SCML4: variants seen among roughly 807,000 people sequenced by gnomAD.
SCML4 encodes the protein Scm polycomb group protein like 4.
In SCML4, 34 loss-of-function variants were observed where a neutral mutation model predicts 41.1. The observed-to-expected ratio is 0.83, with a 90% CI of 0.63 to 1.10. The LOEUF is 1.10. Among genes scored for constraint, SCML4 ranks in the 50% least tolerant of loss-of-function variants. The probability of loss-of-function intolerance (pLI) is 0.00; values close to 1 mark genes in which losing one functional copy is unlikely to be tolerated. For missense variants in SCML4, 522 were observed against 534.1 expected (o/e 0.98, Z 0.22); for synonymous variants, 214 against 220.9 (o/e 0.97, Z 0.28).
At chr6:107,815,049 A>C (rs780110781) in intron 1 of SCML4, among the ~76,000 whole-genome samples, 2 of 152,236 alleles carry the variant, frequency 1.3e-5, no homozygotes, top group Non-Finnish European at 2.9e-5. Flanking sequence ...AGGGCTCTGC[A>C]TAGTGATCAT....
At chr6:107,757,201 C>A (rs893331567) in intron 2 of SCML4, among the ~76,000 whole-genome samples, 8 of 151,892 alleles carry the variant, frequency 5.3e-5, no homozygotes, top group African/African-American at 1.9e-4. Context: ...CTCCAGCTGT[C>A]ATTTAGGGGA....
chr6:107,723,375 A>G (rs1484599930), intron 5 of SCML4, among the ~76,000 whole-genome samples: 1 of 152,226 alleles, frequency 6.6e-6, no homozygotes, highest in Non-Finnish European at 1.5e-5. Context: ...AGTATTGAAT[A>G]TCTCATGTAA....
At chr6:107,712,490 T>G (rs1489620453) in intron 6 of SCML4, among the ~76,000 whole-genome samples, 1 of 151,906 alleles carries the variant, frequency 6.6e-6, no homozygotes, top group Non-Finnish European at 1.5e-5. Context: ...AAGAGATAAC[T>G]GAGATGGCAA....
At chr6:107,734,357 A>T (rs1776849179) in intron 5 of SCML4, among the ~76,000 whole-genome samples, 1 of 152,228 alleles carries the variant, frequency 6.6e-6, no homozygotes. Context: ...ACGTGACTCA[A>T]TATTACTCTA....
At chr6:107,762,876 C>CTTTTTTTTTTTTTT (rs57370632) in intron 2 of SCML4, among the ~76,000 whole-genome samples, 18 of 89,656 alleles carry the variant, frequency 2.0e-4, no homozygotes, top group Non-Finnish European at 2.9e-4. Flanking sequence ...TAAATGCACT[C>CTTTTTTTTTTTTTT]TTTTTTTTTT....
intron 1 of SCML4, among the ~76,000 whole-genome samples, chr6:107,823,844 G>A (rs1351497177): frequency 6.6e-6 from 1 of 152,198 alleles, no homozygotes; most frequent in Non-Finnish European, 1.5e-5. Context: ...CAGAGTTAAA[G>A]AGTAATGAAC....
chr6:107,727,700 T>C (rs9320229), intron 5 of SCML4, among the ~76,000 whole-genome samples: 9,942 of 152,326 alleles, frequency 0.065, 455 homozygotes, highest in Admixed American at 0.15. Flanking sequence ...GAAGGGAGAT[T>C]CTAAAAAGGA....
intron 6 of SCML4, among the ~76,000 whole-genome samples, chr6:107,716,669 G>A (rs1323019362): frequency 2.0e-5 from 3 of 152,100 alleles, no homozygotes; most frequent in African/African-American, 7.2e-5. Context: ...AAAAAGGAGG[G>A]AGTGAGCATT....
At chr6:107,801,515 A>T (rs1783124438) in intron 1 of SCML4, among the ~76,000 whole-genome samples, 1 of 152,086 alleles carries the variant, frequency 6.6e-6, no homozygotes, top group South Asian at 2.1e-4. Flanking sequence ...GAGTCCATCG[A>T]GATTTTTTTG....
intron 1 of SCML4, among the ~76,000 whole-genome samples, chr6:107,821,813 C>T (rs1784963589): frequency 6.6e-6 from 1 of 152,164 alleles, no homozygotes; most frequent in South Asian, 2.1e-4. Flanking sequence ...AACAGGGCCC[C>T]TGTGAGGGCT....
At chr6:107,753,575 T>C (rs1244362219) in intron 2 of SCML4, among the ~76,000 whole-genome samples, 4 of 152,250 alleles carry the variant, frequency 2.6e-5, no homozygotes, top group African/African-American at 9.6e-5. Context: ...TTAACACTAT[T>C]GAGTTTTATG....
At chr6:107,772,447 G>C in intron 1 of SCML4, 61 bp from the exon 2 acceptor site, 3 of 975,782 alleles carry the variant, frequency 3.1e-6, no homozygotes, top group Non-Finnish European at 4.4e-6. Flanking sequence ...GGTTTGCAAG[G>C]CAAACATGAT....
chr6:107,777,096 C>T (rs1223862421), intron 1 of SCML4, among the ~76,000 whole-genome samples: 1 of 152,124 alleles, frequency 6.6e-6, no homozygotes, highest in Non-Finnish European at 1.5e-5. Flanking sequence ...CCTCTTTGTA[C>T]ACTTTTGCAT....
At chr6:107,734,992 C>T (rs1776915002) in intron 5 of SCML4, among the ~76,000 whole-genome samples, 1 of 152,162 alleles carries the variant, frequency 6.6e-6, no homozygotes, top group Non-Finnish European at 1.5e-5. Context: ...TCTCCTCCCT[C>T]AGCCTCCCGA....
Position 107,704,930 on chromosome 6 carries a change from C to T in SCML4, c.*270G>A. On this transcript the variant is annotated 3_prime_UTR_variant, in exon 8 of 8. Coordinates refer to ENST00000369020, the MANE Select transcript of SCML4 (RefSeq NM_198081.5). The stretch of plus-strand genomic sequence containing the variant: ...TCTCTCGTTATGCAAATAGGACCCA[C>T]TTTAAGAGAAACCAGCATAACAGGG... The T allele has an allele frequency of 4.0e-6, 2 of 502,896 alleles. No homozygotes were observed. The highest frequency in any genetic ancestry group is 4.2e-5 in the South Asian group (2 of 47,116). The allele number at this position is 502,896 out of a possible 1,614,324, so 31.2% of individuals were successfully genotyped here.
At chr6:107,805,891 G>A (rs1783685427) in intron 1 of SCML4, among the ~76,000 whole-genome samples, 1 of 152,204 alleles carries the variant, frequency 6.6e-6, no homozygotes, top group South Asian at 2.1e-4. Context: ...TACCTCTGAA[G>A]AGAGCCAGGA....
At chr6:107,726,132 G>A (rs935753945) in intron 5 of SCML4, among the ~76,000 whole-genome samples, 1 of 151,478 alleles carries the variant, frequency 6.6e-6, no homozygotes, top group Non-Finnish European at 1.5e-5. Context: ...CTCACAAATT[G>A]GGGGAAAATA....
intron 3 of SCML4, among the ~76,000 whole-genome samples, chr6:107,748,390 G>GGTTTTTTT (rs151311439): frequency 0.06 from 9,124 of 151,944 alleles, 699 homozygotes; most frequent in African/African-American, 0.18. Flanking sequence ...TGAAGAAATA[G>GGTTTTTTT]GTTTTTTTGT....
At chr6:107,817,631 A>AAG (rs1784645567) in intron 1 of SCML4, among the ~76,000 whole-genome samples, 1 of 101,614 alleles carries the variant, frequency 9.8e-6, no homozygotes, top group Non-Finnish European at 2.1e-5. Context: ...AAAAAAAAAA[A>AAG]AAAAGAAAAA....
Sources: allele counts gnomAD v4.1 joint callset (sites outside exome capture counted in the v4.1 genomes callset), GRCh38; gene constraint gnomAD v4.1.1; transcripts MANE v1.5; gene names NCBI Gene and HGNC (gene_info 2026-07-23, HGNC 2026-07-21).